DGKD: variants seen among roughly 807,000 people sequenced by gnomAD.
DGKD encodes the protein DAG kinase delta.
DGKD carries 68 observed loss-of-function variants against 154.4 expected under a neutral mutation model. That is an observed-to-expected ratio of 0.44 (90% CI 0.36 to 0.54). DGKD has a LOEUF of 0.54. Ranked by LOEUF, DGKD falls within the 20% of genes least tolerant of loss-of-function variation. The pLI, the probability that DGKD is intolerant of heterozygous loss-of-function variation, is 0.00. For missense variants in DGKD, 1,343 were observed against 1,593.6 expected, an observed-to-expected ratio of 0.84 and a Z score of 2.68; for synonymous variants, 693 against 638.0, an observed-to-expected ratio of 1.09 and a Z score of -1.30.
intron 1 of DGKD, among the ~76,000 whole-genome samples, chr2:233,355,230 G>A (rs963319754): frequency 1.3e-5 from 2 of 152,182 alleles, no homozygotes; most frequent in Admixed American, 1.3e-4. Flanking sequence ...AGGGATGCGC[G>A]TTCAGTGACC....
intron 1 of DGKD, among the ~76,000 whole-genome samples, chr2:233,367,857 T>C (rs1003351558): frequency 2.1e-5 from 3 of 145,382 alleles, no homozygotes; most frequent in Non-Finnish European, 4.5e-5. Flanking sequence ...TTTTCTTTTT[T>C]TTTTTTTTTT....
intron 3 of DGKD, among the ~76,000 whole-genome samples, chr2:233,430,741 T>G (rs1199099129): frequency 6.6e-6 from 1 of 152,182 alleles, no homozygotes; most frequent in Non-Finnish European, 1.5e-5. Context: ...CACTATCAAT[T>G]TTTTCTCTAA....
At chr2:233,418,326 A>G (rs1412675525) in intron 3 of DGKD, among the ~76,000 whole-genome samples, 2 of 152,178 alleles carry the variant, frequency 1.3e-5, no homozygotes, top group African/African-American at 4.8e-5. Flanking sequence ...GGTGCCTTTC[A>G]TGGGTAATAA....
At position 233,458,723 on chromosome 2, in the gene DGKD, C is replaced by A. The variant is rs560856855; in HGVS notation, c.2694+326C>A. ...ACCTCCCTGGTTCAAGTGATTCTCC[C>A]GCCTCAGCCTTCCGAGTAGCTGGGA... On this transcript the variant is annotated intron_variant, in intron 22 of 29. Coordinates refer to ENST00000264057, the MANE Select transcript of DGKD (RefSeq NM_152879.3). This position sits in a 1 kb window ranked among gnomAD's most constrained non-coding sequence, Gnocchi z 6.6. 6.6e-6 allele frequency among the ~76,000 whole-genome samples: 1 copy of A among 151,930 alleles called. No homozygotes were observed. Among genetic ancestry groups the A allele is most frequent in the African/African-American group, 2.4e-5 (1 of 41,412 alleles).
At chr2:233,357,185 G>C (rs1701567030) in intron 1 of DGKD, among the ~76,000 whole-genome samples, 1 of 152,202 alleles carries the variant, frequency 6.6e-6, no homozygotes, top group African/African-American at 2.4e-5. Flanking sequence ...CCTTGCAAGG[G>C]CACAGCTGCT....
chr2:233,436,179 C>A, intron 6 of DGKD, 137 bp from the exon 7 acceptor site: 1 of 1,428,836 alleles, frequency 7.0e-7, no homozygotes, highest in Non-Finnish European at 9.6e-7. Flanking sequence ...CCCTGCCATC[C>A]CTTCCCTCAC....
chr2:233,462,544 TC>T, intron 25 of DGKD, 85 bp downstream of exon 25: 1 of 1,516,930 alleles, frequency 6.6e-7, no homozygotes, highest in African/African-American at 1.4e-5. Context: ...TTCCCCCGCC[TC>T]CCCGGTGCAT....
intron 24 of DGKD, among the ~76,000 whole-genome samples, chr2:233,461,989 C>G (rs2063660262): frequency 6.6e-6 from 1 of 152,254 alleles, no homozygotes; most frequent in Non-Finnish European, 1.5e-5. Context: ...CAGGTTCCAG[C>G]AAGGCTGTGG....
chr2:233,463,439 C>G (rs1472646143), intron 26 of DGKD, among the ~76,000 whole-genome samples: 35 of 133,756 alleles, frequency 2.6e-4, no homozygotes, highest in Admixed American at 1.5e-4. Context: ...TCTCCTCACT[C>G]CACGCATCTC....
chr2:233,469,542 CT>C lies in DGKD; in HGVS notation c.*83del. ...CCCTCTCAGCCTGTGGCCTCTGCGC[CT>C]CCTGCCACTGAGGCCCTGGGCAGAT... On this transcript the variant is annotated 3_prime_UTR_variant, in exon 30 of 30. Coordinates refer to ENST00000264057, the MANE Select transcript of DGKD (RefSeq NM_152879.3). 1 of 1,230,528 alleles carries C rather than the reference CT, an allele frequency of 8.1e-7. No individual in the cohort carries two copies. Among genetic ancestry groups the C allele is most frequent in the East Asian group, 2.5e-5 (1 of 39,274 alleles). The allele number at this position is 1,230,528 out of a possible 1,614,324, so 76.2% of individuals were successfully genotyped here. A position where few individuals can be genotyped will look rare whatever the true frequency, so the allele number is the denominator to read the frequency against.
intron 3 of DGKD, among the ~76,000 whole-genome samples, chr2:233,407,133 G>A (rs532065101): frequency 9.2e-5 from 14 of 152,286 alleles, no homozygotes; most frequent in African/African-American, 3.1e-4. Flanking sequence ...ACAGAAGTGC[G>A]TTCTGAATGT....
intron 1 of DGKD, among the ~76,000 whole-genome samples, chr2:233,361,562 T>G (rs1701781584): frequency 6.6e-6 from 1 of 152,182 alleles, no homozygotes; most frequent in Non-Finnish European, 1.5e-5. Flanking sequence ...ACCCAGACTT[T>G]ATAACAACTG....
intron 3 of DGKD, among the ~76,000 whole-genome samples, chr2:233,429,733 G>A (rs2062444287): frequency 6.6e-6 from 1 of 152,212 alleles, no homozygotes; most frequent in Non-Finnish European, 1.5e-5. Flanking sequence ...ACAGCAGCAG[G>A]GCAGAAGGCA....
chr2:233,388,054 C>A, intron 1 of DGKD: 2 of 1,215,246 alleles, frequency 1.6e-6, no homozygotes, highest in Non-Finnish European at 2.2e-6. Context: ...CACATTGCCC[C>A]TTAGAGGACA....
intron 3 of DGKD, among the ~76,000 whole-genome samples, chr2:233,408,685 A>G (rs1016203845): frequency 6.6e-6 from 1 of 152,210 alleles, no homozygotes; most frequent in African/African-American, 2.4e-5. Context: ...TAGCACAGCA[A>G]TGGTGGGGCA....
At chr2:233,370,304 C>T (rs948467586) in intron 1 of DGKD, among the ~76,000 whole-genome samples, 1 of 152,166 alleles carries the variant, frequency 6.6e-6, no homozygotes, top group Non-Finnish European at 1.5e-5. Context: ...ATCTCTGCCT[C>T]CCAGGTTCAA....
chr2:233,426,167 T>G (rs1559532039), intron 3 of DGKD, among the ~76,000 whole-genome samples: 1 of 152,258 alleles, frequency 6.6e-6, no homozygotes, highest in Non-Finnish European at 1.5e-5. Context: ...AACATAGTGC[T>G]GCCAGACTCT....
At chr2:233,434,531 T>A in intron 4 of DGKD, 47 bp downstream of exon 4, 1 of 1,561,120 alleles carries the variant, frequency 6.4e-7, no homozygotes, top group Non-Finnish European at 8.8e-7. Context: ...GTTGCCTCCC[T>A]CACCCCAGTG....
chr2:233,450,272 G>C, intron 16 of DGKD, 141 bp downstream of exon 16: 1 of 1,137,624 alleles, frequency 8.8e-7, no homozygotes, highest in South Asian at 1.7e-5. Context: ...AGCGCCCAAG[G>C]CCTGTTTCTG....
Sources: gnomAD v4.1 joint callset for allele counts (sites outside exome capture counted in the v4.1 genomes callset) on GRCh38, gnomAD v4.1.1 for gene constraint, Gnocchi (gnomAD v3.1) non-coding constraint, MANE v1.5 for transcripts, NCBI Gene and HGNC (gene_info 2026-07-23, HGNC 2026-07-21) for gene names.